The following INO80 variants were observed in gnomAD, a reference collection of about 807,000 sequenced individuals.
The protein encoded by INO80 is INO80 complex ATPase subunit, also known as chromatin-remodeling ATPase INO80.
INO80 carries 20 observed loss-of-function variants against 203.4 expected under a neutral mutation model. The ratio of observed to expected loss-of-function variants is 0.10; its 90% CI spans 0.07 to 0.14. INO80 has a LOEUF of 0.14. INO80 is among the 10% of genes least tolerant of loss of function. The pLI is 1.00. For missense variants in INO80, 1,419 were observed against 1,914.4 expected, an observed-to-expected ratio of 0.74 and a Z score of 4.83; for synonymous variants, 726 against 685.2, an observed-to-expected ratio of 1.06 and a Z score of -0.93.
chr15:41,107,759 C>T (rs2045901531), intron 1 of INO80, among the ~76,000 whole-genome samples: 1 of 151,994 alleles, frequency 6.6e-6, no homozygotes, highest in Non-Finnish European at 1.5e-5. Flanking sequence ...GAGACCATGC[C>T]ACTGCACTTC....
intron 27 of INO80, among the ~76,000 whole-genome samples, chr15:41,012,345 T>C (rs1435974107): frequency 6.6e-6 from 1 of 151,676 alleles, no homozygotes; most frequent in Non-Finnish European, 1.5e-5. Flanking sequence ...GATGGGAGGA[T>C]TACTTGAGGT....
intron 19 of INO80, among the ~76,000 whole-genome samples, chr15:41,051,935 T>A (rs1462893187): frequency 3.3e-5 from 5 of 151,550 alleles, no homozygotes; most frequent in African/African-American, 1.2e-4. Flanking sequence ...TCCAGCCTGG[T>A]CGACAGAGCA....
chr15:41,060,089 A>C (rs1357148756), intron 14 of INO80, among the ~76,000 whole-genome samples, 163 bp from the exon 15 acceptor site: 2 of 152,232 alleles, frequency 1.3e-5, no homozygotes, highest in African/African-American at 4.8e-5. Flanking sequence ...CCTGTTGTCC[A>C]AATAGAAAGA....
chr15:41,047,519 A>G lies in INO80; in HGVS notation c.2642-18T>C. The G allele has an allele frequency of 6.5e-7, 1 of 1,538,060 alleles. No homozygotes were observed. The highest frequency in any genetic ancestry group is 9.0e-7 in the Non-Finnish European group (1 of 1,116,802). ...ATTAATACCTGAAATATAAAAGACAATTTGAAACCCAACAGCAAACCAAGA... is the reference window on the plus strand; with the variant it reads ...ATTAATACCTGAAATATAAAAGACAGTTTGAAACCCAACAGCAAACCAAGA... On this transcript the variant is annotated intron_variant, in intron 22 of 35. Coordinates refer to ENST00000648947, the MANE Select transcript of INO80 (RefSeq NM_017553.3).
rs533582172 is a variant in INO80, at chr15:41,076,368, A to C, written c.1132-1803T>G. 5.9e-5 allele frequency among the ~76,000 whole-genome samples: 9 copies of C among 151,832 alleles called. No individual in the cohort carries two copies. The East Asian group carries it at 1.7e-3, about 29-fold the overall frequency. ...GAGCAAGACTCTGTCTCAAAACAAA[A>C]CAAAACAAAACAAAACCCAACAACC... On this transcript the variant is annotated intron_variant, in intron 9 of 35. Coordinates refer to ENST00000648947, the MANE Select transcript of INO80 (RefSeq NM_017553.3).
intron 28 of INO80, chr15:41,005,370 C>A: frequency 2.3e-6 from 1 of 433,376 alleles, no homozygotes; most frequent in Non-Finnish European, 4.1e-6. Flanking sequence ...AGAAAGCATA[C>A]TTCAAACATA....
At chr15:41,067,636 G>A (rs1350035588) in intron 14 of INO80, among the ~76,000 whole-genome samples, 2 of 152,096 alleles carry the variant, frequency 1.3e-5, no homozygotes, top group African/African-American at 2.4e-5. Context: ...CAGCCATAAA[G>A]CTGCCTCAAA....
At chr15:40,981,566 T>C (rs1893831327) in intron 35 of INO80, among the ~76,000 whole-genome samples, 4 of 152,240 alleles carry the variant, frequency 2.6e-5, no homozygotes, top group Admixed American at 1.3e-4. Flanking sequence ...TAACAATTAC[T>C]GAGCAATTAC....
rs139570772 is a variant in INO80, at chr15:40,983,781, G to A, written c.4218C>T (p.Ser1406=). 5.9e-5 allele frequency: 95 copies of A among 1,612,410 alleles called. No individual in the cohort carries two copies. The African/African-American group carries it at 7.7e-4, about 13-fold the overall frequency. Reference sequence around the variant, plus strand: ...AATTACCATTCACGGTATCTGAGACGGAGCCTGTTATGGATGCGGGAGAGT... The same window carrying A: ...AATTACCATTCACGGTATCTGAGACAGAGCCTGTTATGGATGCGGGAGAGT... ...ATNSPASITG[S]VSDTVNGISI... is the part of the protein sequence containing the mutation. The change falls in exon 34 of 36, where the codon TCC becomes TCT. Residue 1406 remains serine, a synonymous_variant. Coordinates refer to ENST00000648947, the MANE Select transcript of INO80 (RefSeq NM_017553.3).
chr15:41,105,635 G>A (rs773697454), intron 1 of INO80, among the ~76,000 whole-genome samples: 2 of 152,108 alleles, frequency 1.3e-5, no homozygotes, highest in African/African-American at 4.8e-5. Context: ...CTATGCCACT[G>A]GAGTACTTCA....
intron 26 of INO80, among the ~76,000 whole-genome samples, chr15:41,020,533 A>T (rs1003022520): frequency 3.9e-5 from 6 of 152,062 alleles, no homozygotes; most frequent in Non-Finnish European, 8.8e-5. Context: ...ATGCTATTTA[A>T]ATGAGGCTTT....
In INO80 at chr15:41,069,624, C is replaced by T. The variant is rs140225630; in HGVS notation, c.1728G>A (p.Ala576=). Residue 576 remains alanine (A), a synonymous_variant, in exon 14 of 36, where the codon GCG becomes GCA. Coordinates refer to ENST00000648947, the MANE Select transcript of INO80 (RefSeq NM_017553.3). Reference sequence around the variant, plus strand: ...CCTGGTGCCAATTGTTAAGTGTAGACGCAGGTGAAATTATTAAGAAAGGTC... The same window carrying T: ...CCTGGTGCCAATTGTTAAGTGTAGATGCAGGTGAAATTATTAAGAAAGGTC... The part of the protein sequence containing the change: ...IWGPFLIISP[A]STLNNWHQEF... 26 of 1,606,826 alleles carry T rather than the reference C, an allele frequency of 1.6e-5. No individual in the cohort carries two copies. Among genetic ancestry groups the T allele is most frequent in the African/African-American group, 5.4e-5 (4 of 74,124 alleles).
At position 40,980,053 on chromosome 15, in the gene INO80, A is replaced by G. The variant is rs1156572190; in HGVS notation, c.*170T>C. The G allele has an allele frequency of 1.6e-6, 1 of 629,826 alleles. No individual in the cohort carries two copies. Among genetic ancestry groups the G allele is most frequent in the East Asian group, 2.7e-5 (1 of 36,522 alleles). 39.0% of individuals were successfully genotyped at this position (629,826 alleles called of 1,614,324 possible). On this transcript the variant is annotated 3_prime_UTR_variant, in exon 36 of 36. Coordinates refer to ENST00000648947, the MANE Select transcript of INO80 (RefSeq NM_017553.3). ...GCACCCCAGATGCTCCTGATGAGAC[A>G]CAGATGATAAAAGTGCTCACACCAT...
At chr15:40,984,068 T>C (rs1031917134) in intron 33 of INO80, 129 bp downstream of exon 33, 1 of 1,332,484 alleles carries the variant, frequency 7.5e-7, no homozygotes, top group East Asian at 2.4e-5. Flanking sequence ...CTTACAGACC[T>C]CATGTGCAAC....
In INO80 at chr15:41,083,950, C is replaced by T. The variant is rs117854323; in HGVS notation, c.873+1419G>A. ...GTAGAGGTTTTGTAGCGTGTTCTAA[C>T]GTTTAGTGGGGATTTTTCCAATTCT... On this transcript the variant is annotated intron_variant, in intron 7 of 35. Coordinates refer to ENST00000648947, the MANE Select transcript of INO80 (RefSeq NM_017553.3). Among the ~76,000 whole-genome samples, 884 of 152,112 alleles carry T rather than the reference C, an allele frequency of 5.8e-3. 6 individuals carry two copies. The highest frequency in any genetic ancestry group is 0.011 in the Non-Finnish European group (729 of 68,012).
At chr15:40,982,748 C>T in intron 35 of INO80, 114 bp downstream of exon 35, 3 of 818,120 alleles carry the variant, frequency 3.7e-6, no homozygotes, top group Non-Finnish European at 5.9e-6. Flanking sequence ...CCAATTGGGG[C>T]TCTAGGAAGA....
rs1555401518 is a variant in INO80, at chr15:41,035,847, A to AAG, written c.2908-8112_2908-8111insCT. Among the ~76,000 whole-genome samples, 38 of 139,276 alleles carry AAG rather than the reference A, an allele frequency of 2.7e-4. 1 individual carries two copies. The highest frequency in any genetic ancestry group is 4.1e-4 in the Non-Finnish European group (26 of 62,880). The allele number at this position is 139,276 out of a possible 152,430, so 91.4% of individuals were successfully genotyped here. ...AAAAAAAAAAAAAAAAAAAAAAAAA[A>AAG]GTCTGGCGCCTTGGCTTACACCTGT... is the stretch of plus-strand genomic sequence containing the variant. On this transcript the variant is annotated intron_variant, in intron 24 of 35. Transcript: ENST00000648947.
intron 1 of INO80, among the ~76,000 whole-genome samples, chr15:41,113,159 G>C (rs553114602): frequency 6.6e-6 from 1 of 152,014 alleles, no homozygotes; most frequent in South Asian, 2.1e-4. Context: ...CAAACGATCC[G>C]CCTGCTCAGC....
intron 25 of INO80, among the ~76,000 whole-genome samples, chr15:41,022,022 C>T (rs774654360): frequency 4.6e-5 from 7 of 152,256 alleles, no homozygotes; most frequent in South Asian, 2.1e-4. Context: ...GTCAAGCCCA[C>T]GCTGACAAAT....
Sources: gnomAD v4.1 joint callset for allele counts (sites outside exome capture counted in the v4.1 genomes callset) on GRCh38, gnomAD v4.1.1 for gene constraint, MANE v1.5 for transcripts, NCBI Gene and HGNC (gene_info 2026-07-23, HGNC 2026-07-21) for gene names.